TUBA3E: variants seen among roughly 807,000 people sequenced by gnomAD.
TUBA3E encodes the protein tubulin alpha-3E chain.
TUBA3E carries 21 observed loss-of-function variants against 36.7 expected under a neutral mutation model. The ratio of observed to expected loss-of-function variants is 0.57; its 90% CI spans 0.41 to 0.83. The LOEUF (loss-of-function observed/expected upper bound fraction) is 0.83. Ranked by LOEUF, TUBA3E falls within the 40% of genes least tolerant of loss-of-function variation. The pLI is 0.00. For synonymous variants in TUBA3E, 177 were observed against 241.9 expected (o/e 0.73, Z 2.49); for missense variants, 469 against 604.2 (o/e 0.78, Z 2.35).
chr2:130,194,962 G>A (rs578059861), intron 3 of TUBA3E, 117 bp downstream of exon 3: 82 of 1,538,930 alleles, frequency 5.3e-5, no homozygotes, highest in Middle Eastern at 5.3e-4. Flanking sequence ...ACACGTGTGA[G>A]CCACCGCGCC....
Position 130,196,165 on chromosome 2 carries a change from C to T in TUBA3E, c.210G>A (p.Leu70=). Residue 70 remains leucine (L), a synonymous_variant, in exon 2 of 5, where the codon CTG becomes CTA. Coordinates refer to ENST00000312988, the MANE Select transcript of TUBA3E (RefSeq NM_207312.3). ...GGCACCTACCGACCACAGTGGGCTC[C>T]AGGTCCACAAACACTGCTCTGGGCA... ...KHVPRAVFVD[L]EPTVVDEVRT... is the part of the protein sequence containing the mutation. 4 of 1,613,552 alleles carry T rather than the reference C, an allele frequency of 2.5e-6. No homozygotes were observed. Among genetic ancestry groups the T allele is most frequent in the Non-Finnish European group, 3.4e-6 (4 of 1,179,524 alleles).
At position 130,192,165 on chromosome 2, in the gene TUBA3E, A is replaced by G. The variant is rs756429944; in HGVS notation, c.1057-38T>C. On this transcript the variant is annotated intron_variant, in intron 4 of 4. Coordinates refer to ENST00000312988, the MANE Select transcript of TUBA3E (RefSeq NM_207312.3). ...GGAAAGAAAGCAGTCCGTGAAGCTT[A>G]TATCAAACCTAGAAATGGTAGCTAC... 9 of 1,565,088 alleles carry G rather than the reference A, an allele frequency of 5.8e-6. No homozygotes were observed. The South Asian group carries it at 8.4e-5, about 15-fold the overall frequency.
intron 1 of TUBA3E, 131 bp from the exon 2 acceptor site, chr2:130,196,502 A>G: frequency 7.7e-7 from 1 of 1,301,874 alleles, no homozygotes. Context: ...GATATTTCCT[A>G]GGAGGGTTAG....
intron 3 of TUBA3E, 148 bp from the exon 4 acceptor site, chr2:130,194,614 A>C (rs1690359901): frequency 2.6e-6 from 3 of 1,135,264 alleles, no homozygotes; most frequent in Admixed American, 2.9e-5. Flanking sequence ...TGAAGCAAAG[A>C]AAAGCAAAGA....
In TUBA3E at chr2:130,193,874, A is replaced by G; in HGVS notation, c.968T>C (p.Val323Ala). 6.2e-7 allele frequency: 1 copy of G among 1,614,222 alleles called. No individual in the cohort carries two copies. Among genetic ancestry groups the G allele is most frequent in the Non-Finnish European group, 8.5e-7 (1 of 1,180,052 alleles). Residue 323 changes from valine to alanine, a missense_variant, in exon 4 of 5, where the codon GTG becomes GCG. By Grantham distance (64) the Val-to-Ala change is moderately conservative (BLOSUM62 0). This residue lies in a region of TUBA3E where 296 missense variants were observed against 346.9 expected (regional missense o/e 0.85). Transcript: ENST00000312988. ...MACCMLYRGD[V>A]VPKDVNAAIA... ...GGCCGCATTGACGTCTTTGGGGACCACGTCCCCCCTGTACAACATGCAGCA... is the reference window on the plus strand; with the variant it reads ...GGCCGCATTGACGTCTTTGGGGACCGCGTCCCCCCTGTACAACATGCAGCA...
intron 1 of TUBA3E, among the ~76,000 whole-genome samples, chr2:130,196,836 C>G (rs563292291): frequency 6.6e-6 from 1 of 152,150 alleles, no homozygotes; most frequent in Non-Finnish European, 1.5e-5. Context: ...CAGTTCTACC[C>G]CGTCCATCAT....
rs772701111 is a variant in TUBA3E at position 130,194,139 on chromosome 2, C to T, written c.703G>A (p.Val235Met). ...TNLNRLIGQI[V>M]SSITASLRFD... ...CGCAGGGAGGCCGTGATGGAGGACA[C>T]GATCTGCCCAATCAGGCGATTGAGG... Residue 235 changes from valine (V) to methionine (M), a missense_variant, in exon 4 of 5, where the codon GTG (valine) becomes ATG (methionine). Around this residue, in one of 3 missense-constraint regions of TUBA3E, gnomAD observed 296 missense variants for 346.9 expected, o/e 0.85. Coordinates refer to ENST00000312988, the MANE Select transcript of TUBA3E (RefSeq NM_207312.3). The T allele has an allele frequency of 2.4e-5, 39 of 1,613,908 alleles. No individual in the cohort carries two copies. The highest frequency in any genetic ancestry group is 2.8e-5 in the Non-Finnish European group (33 of 1,180,024).
At position 130,195,198 on chromosome 2, in the gene TUBA3E, G is replaced by C. The variant is rs1194713765; in HGVS notation, c.256C>G (p.Leu86Val). 6.2e-7 allele frequency: 1 copy of C among 1,613,940 alleles called. No individual in the cohort carries two copies. Among genetic ancestry groups the C allele is most frequent in the Non-Finnish European group, 8.5e-7 (1 of 1,179,996 alleles). ...GTGATCAGCTGCTCTGGGTGGAAGA[G>C]CTGCCTGTAGGTCCCTGTGCGCACT... ...DEVRTGTYRQ[L>V]FHPEQLITGK... Residue 86 changes from leucine (L) to valine (V), a missense_variant, in exon 3 of 5, where the codon CTC (leucine) becomes GTC (valine). By Grantham distance (32) the Leu-to-Val change is conservative (BLOSUM62 1). This residue lies in a region of TUBA3E where 169 missense variants were observed against 239.0 expected (regional missense o/e 0.71). Coordinates refer to ENST00000312988, the MANE Select transcript of TUBA3E (RefSeq NM_207312.3).
intron 3 of TUBA3E, 45 bp downstream of exon 3, chr2:130,195,034 C>T: frequency 2.5e-6 from 4 of 1,604,628 alleles, no homozygotes; most frequent in East Asian, 2.2e-5. Flanking sequence ...CAAGAACTAC[C>T]CCTCCCATGC....
rs773018948 is a variant in TUBA3E at position 130,196,194 on chromosome 2, G to A, written c.181C>T (p.His61Tyr). 9.9e-6 allele frequency: 16 copies of A among 1,613,866 alleles called. No homozygotes were observed. In the South Asian group the frequency reaches 1.2e-4, roughly 12 times the overall value. The change falls in exon 2 of 5, where the codon CAC (histidine) becomes TAC (tyrosine). Residue 61 changes from histidine to tyrosine, a missense_variant. His to Tyr is a moderately conservative substitution (Grantham distance 83, BLOSUM62 2). Coordinates refer to ENST00000312988, the MANE Select transcript of TUBA3E (RefSeq NM_207312.3). ...TCCACAAACACTGCTCTGGGCACGTGCTTGCCAGCTCCAGTCTCACTGAAG... is the reference window on the plus strand; with the variant it reads ...TCCACAAACACTGCTCTGGGCACGTACTTGCCAGCTCCAGTCTCACTGAAG... Reference protein sequence around the residue: ...TFFSETGAGKHVPRAVFVDLE... With the variant: ...TFFSETGAGKYVPRAVFVDLE...
intron 1 of TUBA3E, among the ~76,000 whole-genome samples, chr2:130,196,578 A>G (rs1056345387): frequency 2.6e-5 from 4 of 152,376 alleles, no homozygotes; most frequent in South Asian, 2.1e-4. Flanking sequence ...AAGTTCTAGA[A>G]GTAGCCCTAG....
At chr2:130,194,967 C>T (rs56151061) in intron 3 of TUBA3E, 112 bp downstream of exon 3, 608,909 of 1,538,198 alleles carry the variant, frequency 0.4, 120,888 homozygotes, top group Admixed American at 0.45. Flanking sequence ...TGTGAGCCAC[C>T]GCGCCCGGCC....
At position 130,196,249 on chromosome 2, in the gene TUBA3E, A is replaced by G; in HGVS notation, c.126T>C (p.Ile42=). 6.2e-7 allele frequency: 1 copy of G among 1,614,000 alleles called. No homozygotes were observed. The highest frequency in any genetic ancestry group is 8.5e-7 in the Non-Finnish European group (1 of 1,179,900). Residue 42 remains isoleucine (I), a synonymous_variant, in exon 2 of 5, where the codon ATT becomes ATC. Coordinates refer to ENST00000312988, the MANE Select transcript of TUBA3E (RefSeq NM_207312.3). The part of the protein sequence containing the change: ...PDGQMPSDKT[I]GGGDDSFNTF... Reference sequence around the variant, plus strand: ...TGTTGAAGGAGTCGTCCCCGCCACCAATGGTTTTATCACTTGGCATTTGAC... The same window carrying G: ...TGTTGAAGGAGTCGTCCCCGCCACCGATGGTTTTATCACTTGGCATTTGAC...
rs189572457 is a variant in TUBA3E at position 130,196,674 on chromosome 2, G to A, written c.4-303C>T. Among the ~76,000 whole-genome samples the A allele has an allele frequency of 1.8e-4, 28 of 152,250 alleles. No homozygotes were observed. The East Asian group carries it at 4.4e-3, about 24-fold the overall frequency. ...AATAATCAACCCCACATTATAGCCC[G>A]TCACAGTAATTCTCTGAAGAATAAG... On this transcript the variant is annotated intron_variant, in intron 1 of 4. Transcript: ENST00000312988.
chr2:130,193,105 A>AG, intron 4 of TUBA3E, among the ~76,000 whole-genome samples: 1 of 150,454 alleles, frequency 6.6e-6, no homozygotes, highest in South Asian at 2.1e-4. Context: ...AAAAAAAAAA[A>AG]TTACCCGGGC....
rs182361993 is a variant in TUBA3E, at chr2:130,197,436, G to A, written c.3+922C>T. On this transcript the variant is annotated intron_variant, in intron 1 of 4. Coordinates refer to ENST00000312988, the MANE Select transcript of TUBA3E (RefSeq NM_207312.3). ...CAGGGGTTCAAGGCTGCAGGGAGCC[G>A]TGATCTTGCAACTGTGTTCCAGCCT... 2.4e-3 allele frequency among the ~76,000 whole-genome samples: 251 copies of A among 105,748 alleles called. 32 individuals carry two copies. Among genetic ancestry groups the A allele is most frequent in the African/African-American group, 8.4e-3 (239 of 28,424 alleles). 69.4% of individuals were successfully genotyped at this position (105,748 alleles called of 152,430 possible).
chr2:130,196,280 G>A lies in TUBA3E; in HGVS notation c.95C>T (p.Pro32Leu). Residue 32 changes from proline (P) to leucine (L), a missense_variant, in exon 2 of 5, where the codon CCC becomes CTC. Coordinates refer to ENST00000312988, the MANE Select transcript of TUBA3E (RefSeq NM_207312.3). ...TTTATCACTTGGCATTTGACCATCG[G>A]GCTGAATTCCATGTTCAAGGCAGTA... Reference protein sequence around the residue: ...ELYCLEHGIQPDGQMPSDKTI... With the variant: ...ELYCLEHGIQLDGQMPSDKTI... 6.2e-7 allele frequency: 1 copy of A among 1,614,040 alleles called. No individual in the cohort carries two copies. Among genetic ancestry groups the A allele is most frequent in the African/African-American group, 1.3e-5 (1 of 75,034 alleles).
rs778757268 is a variant in TUBA3E at position 130,198,321 on chromosome 2, C to T, written c.3+37G>A. On this transcript the variant is annotated intron_variant, in intron 1 of 4. Coordinates refer to ENST00000312988, the MANE Select transcript of TUBA3E (RefSeq NM_207312.3). ...TCCACCCGAGGCCAACTTCGTCTGC[C>T]TGGGCATCTGCGGGGCGGGAGTGAC... The T allele has an allele frequency of 4.4e-6, 6 of 1,353,180 alleles. 2 individuals are homozygous for T. Among genetic ancestry groups the T allele is most frequent in the South Asian group, 2.7e-5 (2 of 75,252 alleles). The allele number at this position is 1,353,180 out of a possible 1,614,324, so 83.8% of individuals were successfully genotyped here.
Position 130,194,040 on chromosome 2 carries a change from G to T in TUBA3E, c.802C>A (p.Pro268Thr). 6.2e-7 allele frequency: 1 copy of T among 1,614,192 alleles called. No individual in the cohort carries two copies. Among genetic ancestry groups the T allele is most frequent in the Non-Finnish European group, 8.5e-7 (1 of 1,180,030 alleles). Residue 268 changes from proline (P) to threonine (T), a missense_variant, in exon 4 of 5, where the codon CCC becomes ACC. Transcript: ENST00000312988. ...NLVPYPRIHF[P>T]LATYAPVISA... ...ATGACTGGGGCGTAGGTGGCCAGGG[G>T]GAAGTGGATGCGGGGGTACGGCACG...
Sources: gnomAD v4.1 joint callset for allele counts (sites outside exome capture counted in the v4.1 genomes callset) on GRCh38, gnomAD v4.1.1 for gene constraint, gnomAD v4.1.1 regional missense constraint, MANE v1.5 for transcripts, NCBI Gene and HGNC (gene_info 2026-07-23, HGNC 2026-07-21) for gene names.